ZNF804B: variants seen among roughly 807,000 people sequenced by gnomAD.
ZNF804B encodes zinc finger 804B.
In ZNF804B, 80 loss-of-function variants were observed where a neutral mutation model predicts 101.4. The ratio of observed to expected loss-of-function variants is 0.79; its 90% CI spans 0.66 to 0.95. The LOEUF is 0.95. Among genes scored for constraint, ZNF804B ranks in the 40% least tolerant of loss-of-function variants. ZNF804B has a pLI of 0.00. For missense variants in ZNF804B, 1,673 were observed against 1,561.9 expected, an observed-to-expected ratio of 1.07 and a Z score of -1.20; for synonymous variants, 622 against 558.8, an observed-to-expected ratio of 1.11 and a Z score of -1.59.
intron 1 of ZNF804B, among the ~76,000 whole-genome samples, chr7:88,872,363 G>C (rs1791840333): frequency 6.6e-6 from 1 of 152,076 alleles, no homozygotes; most frequent in African/African-American, 2.4e-5. Context: ...GCTGCAGTGA[G>C]CTATGATTGC....
chr7:89,134,846 G>A (rs1022645975), intron 1 of ZNF804B, among the ~76,000 whole-genome samples: 1 of 151,766 alleles, frequency 6.6e-6, no homozygotes. Flanking sequence ...GTCTTTCAAA[G>A]AGAAAATGTT....
chr7:89,010,711 A>T (rs1788443103), intron 1 of ZNF804B, among the ~76,000 whole-genome samples: 1 of 152,192 alleles, frequency 6.6e-6, no homozygotes, highest in Admixed American at 6.5e-5. Context: ...CATGTTGTAA[A>T]GCTCTCTCTT....
At chr7:88,933,211 T>C (rs1265441606) in intron 1 of ZNF804B, among the ~76,000 whole-genome samples, 1 of 151,860 alleles carries the variant, frequency 6.6e-6, no homozygotes, top group Non-Finnish European at 1.5e-5. Flanking sequence ...ATTATCTCAA[T>C]AGATGCAGAA....
intron 1 of ZNF804B, among the ~76,000 whole-genome samples, chr7:88,876,559 C>T (rs941706202): frequency 2.6e-5 from 4 of 152,140 alleles, no homozygotes; most frequent in Admixed American, 6.6e-5. Flanking sequence ...TCTTATCTAT[C>T]AATGAGTTCT....
intron 1 of ZNF804B, among the ~76,000 whole-genome samples, chr7:88,771,675 A>T (rs1562789323): frequency 6.6e-6 from 1 of 152,160 alleles, no homozygotes; most frequent in Non-Finnish European, 1.5e-5. Flanking sequence ...GGCACAAATG[A>T]ATGGATTTAT....
intron 1 of ZNF804B, among the ~76,000 whole-genome samples, chr7:89,008,293 A>T (rs779421249): frequency 3.3e-5 from 5 of 152,102 alleles, no homozygotes; most frequent in South Asian, 2.1e-4. Context: ...AACCAAACAG[A>T]TTCTTGAAGT....
At chr7:89,239,679 T>A (rs1789337094) in intron 2 of ZNF804B, among the ~76,000 whole-genome samples, 2 of 152,190 alleles carry the variant, frequency 1.3e-5, no homozygotes, top group South Asian at 2.1e-4. Context: ...CTATGAGGGT[T>A]CCCATATGTA....
chr7:89,001,232 A>C (rs1350438076), intron 1 of ZNF804B, among the ~76,000 whole-genome samples: 1 of 150,810 alleles, frequency 6.6e-6, no homozygotes, highest in Non-Finnish European at 1.5e-5. Context: ...GAACCATGGG[A>C]GATAATGCAC....
chr7:89,197,721 C>T (rs1788576898), intron 1 of ZNF804B, among the ~76,000 whole-genome samples: 1 of 151,720 alleles, frequency 6.6e-6, no homozygotes, highest in Non-Finnish European at 1.5e-5. Flanking sequence ...CGCTTAGATT[C>T]TTGATTTTTC....
At chr7:88,873,705 A>G (rs1366775810) in intron 1 of ZNF804B, among the ~76,000 whole-genome samples, 1 of 152,194 alleles carries the variant, frequency 6.6e-6, no homozygotes, top group Non-Finnish European at 1.5e-5. Flanking sequence ...CAGTTCTCCC[A>G]GCACCATTTA....
At chr7:89,166,254 C>T (rs941624614) in intron 1 of ZNF804B, among the ~76,000 whole-genome samples, 4 of 152,074 alleles carry the variant, frequency 2.6e-5, no homozygotes, top group Non-Finnish European at 4.4e-5. Flanking sequence ...TACATTTAAC[C>T]TTTGAGCAAT....
At chr7:89,034,254 C>CATTT (rs1046810692) in intron 1 of ZNF804B, among the ~76,000 whole-genome samples, 8 of 151,930 alleles carry the variant, frequency 5.3e-5, no homozygotes, top group East Asian at 1.9e-4. Context: ...TGAAGTTTTA[C>CATTT]ATTTATTTAT....
intron 2 of ZNF804B, among the ~76,000 whole-genome samples, chr7:89,276,332 A>G (rs1016827488): frequency 6.6e-6 from 1 of 151,834 alleles, no homozygotes; most frequent in African/African-American, 2.4e-5. Context: ...TAAAATAAAA[A>G]TTACTCCATG....
At chr7:89,295,126 T>A (rs1790361659) in intron 2 of ZNF804B, among the ~76,000 whole-genome samples, 1 of 152,176 alleles carries the variant, frequency 6.6e-6, no homozygotes, top group Non-Finnish European at 1.5e-5. Context: ...ATGAGCACCC[T>A]GAATGTATTA....
At chr7:89,108,173 T>G (rs774772448) in intron 1 of ZNF804B, among the ~76,000 whole-genome samples, 4 of 151,806 alleles carry the variant, frequency 2.6e-5, no homozygotes, top group Non-Finnish European at 4.4e-5. Flanking sequence ...ATGATTTTCC[T>G]CCTTTTAACC....
At chr7:89,191,543 A>G (rs1253887253) in intron 1 of ZNF804B, among the ~76,000 whole-genome samples, 1 of 152,140 alleles carries the variant, frequency 6.6e-6, no homozygotes, top group Non-Finnish European at 1.5e-5. Flanking sequence ...TAACTCATCA[A>G]CTTTTAAGGT....
chr7:88,866,319 A>G (rs546854126), intron 1 of ZNF804B, among the ~76,000 whole-genome samples: 2 of 152,298 alleles, frequency 1.3e-5, no homozygotes, highest in Admixed American at 6.5e-5. Context: ...TTTCTTTTCC[A>G]TCAAGAGGTT....
At chr7:88,788,558 T>A (rs1368928554) in intron 1 of ZNF804B, among the ~76,000 whole-genome samples, 1 of 152,130 alleles carries the variant, frequency 6.6e-6, no homozygotes, top group Non-Finnish European at 1.5e-5. Context: ...CCATCTGAAG[T>A]CATTTTCTCT....
chr7:88,930,750 T>C (rs1792870680), intron 1 of ZNF804B, among the ~76,000 whole-genome samples: 1 of 151,906 alleles, frequency 6.6e-6, no homozygotes, highest in African/African-American at 2.4e-5. Flanking sequence ...AAACTTTTGA[T>C]GGCATTCATC....
Sources: allele counts gnomAD v4.1 joint callset (sites outside exome capture counted in the v4.1 genomes callset), GRCh38; gene constraint gnomAD v4.1.1; transcripts MANE v1.5; gene names NCBI Gene and HGNC (gene_info 2026-07-23, HGNC 2026-07-21).